EXOC4: variants seen among roughly 807,000 people sequenced by gnomAD.
The protein encoded by EXOC4 is SEC8-like 1.
EXOC4 carries 71 observed loss-of-function variants against 107.2 expected under a neutral mutation model. The observed-to-expected ratio is 0.66, with a 90% confidence interval of 0.55 to 0.81. The LOEUF (loss-of-function observed/expected upper bound fraction) is 0.81, where lower values mean the gene tolerates loss of function less well. EXOC4 is among the 30% of genes least tolerant of loss of function. The pLI, the probability that EXOC4 is intolerant of heterozygous loss-of-function variation, is 0.00. For missense variants in EXOC4, 1,108 were observed against 1,189.6 expected (o/e 0.93, Z 1.01); for synonymous variants, 456 against 441.2 (o/e 1.03, Z -0.42).
chr7:133,617,776 T>C (rs904710086), intron 9 of EXOC4, among the ~76,000 whole-genome samples: 4 of 152,188 alleles, frequency 2.6e-5, no homozygotes, highest in African/African-American at 9.7e-5. Context: ...AAAGAATTCT[T>C]AACTAGATAT....
chr7:133,739,361 G>A (rs1310765176), intron 10 of EXOC4, among the ~76,000 whole-genome samples: 1 of 151,948 alleles, frequency 6.6e-6, no homozygotes, highest in African/African-American at 2.4e-5. Flanking sequence ...TCATGCTGGA[G>A]CTTGAAGTTC....
intron 11 of EXOC4, among the ~76,000 whole-genome samples, chr7:133,858,096 A>T (rs1486709779): frequency 6.6e-6 from 1 of 152,062 alleles, no homozygotes; most frequent in Non-Finnish European, 1.5e-5. Context: ...GAACAGGAGC[A>T]TGTCATCGTC....
chr7:133,491,389 G>C (rs2150874951), intron 9 of EXOC4, among the ~76,000 whole-genome samples: 1 of 152,266 alleles, frequency 6.6e-6, no homozygotes, highest in South Asian at 2.1e-4. Context: ...ATCCTGTTCA[G>C]TTGGTTAGTG....
chr7:133,528,397 A>G (rs939795995), intron 9 of EXOC4, among the ~76,000 whole-genome samples: 3 of 152,194 alleles, frequency 2.0e-5, no homozygotes, highest in African/African-American at 7.2e-5. Context: ...CTTAAGTGCG[A>G]CATCAGTGAT....
chr7:133,927,349 A>C (rs937948036), intron 13 of EXOC4, among the ~76,000 whole-genome samples: 2 of 152,230 alleles, frequency 1.3e-5, no homozygotes, highest in African/African-American at 4.8e-5. Context: ...AGATGCAGAA[A>C]TCTAGCAGAG....
chr7:133,266,705 G>GTT (rs1562994548), intron 1 of EXOC4, among the ~76,000 whole-genome samples: 1 of 152,176 alleles, frequency 6.6e-6, no homozygotes, highest in African/African-American at 2.4e-5. Context: ...CCTGAATTGA[G>GTT]TTTTAATGTT....
chr7:133,462,263 C>T (rs1584935842), intron 7 of EXOC4, among the ~76,000 whole-genome samples: 2 of 152,142 alleles, frequency 1.3e-5, no homozygotes, highest in South Asian at 2.1e-4. Context: ...ATATGCTACT[C>T]ACAGGTTCCC....
downstream of EXOC4, among the ~76,000 whole-genome samples, chr7:134,070,829 A>G (rs1054817288): frequency 1.3e-5 from 2 of 151,830 alleles, no homozygotes; most frequent in African/African-American, 2.4e-5. Context: ...TGCAGTTCCC[A>G]TTTTCCTTGA....
At chr7:133,610,727 G>A (rs1454813401) in intron 9 of EXOC4, among the ~76,000 whole-genome samples, 1 of 151,724 alleles carries the variant, frequency 6.6e-6, no homozygotes, top group East Asian at 1.9e-4. Context: ...ACACACAAGT[G>A]TTTCCATGTT....
intron 10 of EXOC4, among the ~76,000 whole-genome samples, chr7:133,695,875 C>A (rs959563790): frequency 6.6e-6 from 1 of 152,086 alleles, no homozygotes; most frequent in Non-Finnish European, 1.5e-5. Flanking sequence ...GCCAAGGGGA[C>A]CATCCAAATT....
chr7:133,338,290 AT>A (rs1795567448), intron 5 of EXOC4, among the ~76,000 whole-genome samples: 2 of 151,656 alleles, frequency 1.3e-5, no homozygotes, highest in African/African-American at 2.4e-5. Flanking sequence ...TTATCATTTT[AT>A]TTTTAAAAAT....
chr7:133,532,516 G>A (rs1189389154), intron 9 of EXOC4, among the ~76,000 whole-genome samples: 1 of 151,988 alleles, frequency 6.6e-6, no homozygotes, highest in Non-Finnish European at 1.5e-5. Flanking sequence ...TGGAGCTATG[G>A]TCATAACTTA....
chr7:133,304,632 C>G (rs1364565046), intron 3 of EXOC4, among the ~76,000 whole-genome samples: 1 of 152,146 alleles, frequency 6.6e-6, no homozygotes, highest in African/African-American at 2.4e-5. Flanking sequence ...TTTCTCTGTT[C>G]ACTGTCCACA....
chr7:133,553,247 G>A (rs780378767), intron 9 of EXOC4, among the ~76,000 whole-genome samples: 4 of 152,122 alleles, frequency 2.6e-5, no homozygotes, highest in Non-Finnish European at 2.9e-5. Context: ...TGTAATTTAC[G>A]TCTTATTTTA....
intron 17 of EXOC4, among the ~76,000 whole-genome samples, chr7:134,054,094 C>T (rs1228127313): frequency 6.6e-6 from 1 of 152,148 alleles, no homozygotes; most frequent in Non-Finnish European, 1.5e-5. Context: ...TACAGGTGCG[C>T]ACTACCACGC....
chr7:133,619,742 G>C (rs943722689), intron 9 of EXOC4, among the ~76,000 whole-genome samples: 5 of 152,130 alleles, frequency 3.3e-5, no homozygotes, highest in African/African-American at 4.8e-5. Flanking sequence ...TTAATTGTGA[G>C]GGATAAAACA....
chr7:133,769,762 C>A (rs1796208898), intron 10 of EXOC4, among the ~76,000 whole-genome samples: 1 of 151,844 alleles, frequency 6.6e-6, no homozygotes, highest in Admixed American at 6.6e-5. Context: ...TTCCCTTTAT[C>A]ATGAATGTTT....
chr7:133,321,265 G>A (rs1355443715), intron 5 of EXOC4, among the ~76,000 whole-genome samples: 3 of 151,814 alleles, frequency 2.0e-5, no homozygotes, highest in Non-Finnish European at 1.5e-5. Context: ...AGGTAGAGTT[G>A]TGGGTGACTT....
chr7:133,776,706 G>A (rs866363982), intron 10 of EXOC4, among the ~76,000 whole-genome samples: 1 of 152,168 alleles, frequency 6.6e-6, no homozygotes, highest in Middle Eastern at 3.4e-3. Flanking sequence ...GCTAACATTT[G>A]GCTTAGAGTA....
Sources: gnomAD v4.1 joint callset for allele counts (sites outside exome capture counted in the v4.1 genomes callset) on GRCh38, gnomAD v4.1.1 for gene constraint, MANE v1.5 for transcripts, NCBI Gene and HGNC (gene_info 2026-07-23, HGNC 2026-07-21) for gene names.